Variants in ZNF385D observed in about 807,000 individuals in gnomAD.
ZNF385D encodes the protein zinc finger protein 385D.
Under a neutral mutation model 35.8 loss-of-function variants are expected in ZNF385D, and 15 were observed. The ratio of observed to expected loss-of-function variants is 0.42; its 90% CI spans 0.28 to 0.64. ZNF385D has a LOEUF of 0.64. ZNF385D is among the 30% of genes least tolerant of loss of function. ZNF385D has a pLI of 0.23. For synonymous variants in ZNF385D, 212 were observed against 186.8 expected (o/e 1.13, Z -1.10); for missense variants, 474 against 494.6 (o/e 0.96, Z 0.39).
At chr3:22,207,666 G>T (rs1028726376) in intron 2 of ZNF385D, among the ~76,000 whole-genome samples, 2 of 151,796 alleles carry the variant, frequency 1.3e-5, no homozygotes, top group African/African-American at 4.8e-5. Flanking sequence ...CAACAGAACA[G>T]GAGACAAAGG....
intron 3 of ZNF385D, among the ~76,000 whole-genome samples, chr3:21,863,491 T>C (rs546316205): frequency 2.0e-5 from 3 of 152,188 alleles, no homozygotes; most frequent in African/African-American, 7.2e-5. Flanking sequence ...CTATGAGAAA[T>C]AGAAATAGAA....
At chr3:21,783,321 C>G (rs532393301) in intron 3 of ZNF385D, among the ~76,000 whole-genome samples, 4 of 152,126 alleles carry the variant, frequency 2.6e-5, no homozygotes, top group East Asian at 1.9e-4. Flanking sequence ...CAAAATTGGG[C>G]TCTCCCAGGG....
At chr3:21,763,487 T>C (rs1033274166) in intron 3 of ZNF385D, among the ~76,000 whole-genome samples, 7 of 152,174 alleles carry the variant, frequency 4.6e-5, no homozygotes, top group African/African-American at 7.2e-5. Flanking sequence ...GAAACTTCCA[T>C]AGTATTGGTG....
chr3:22,356,770 T>C (rs984749171), intron 2 of ZNF385D, among the ~76,000 whole-genome samples: 4 of 151,306 alleles, frequency 2.6e-5, no homozygotes, highest in East Asian at 1.9e-4. Flanking sequence ...AGTGATTAGA[T>C]AGACAGATGA....
chr3:22,025,464 G>A lies in ZNF385D; in HGVS notation c.325+143353C>T, dbSNP rs560550304. ...CTCTAATCTATATAAACAGCAATCTGGAGAACAGGCATGGGAATGGATTTT... is the reference window on the plus strand; with the variant it reads ...CTCTAATCTATATAAACAGCAATCTAGAGAACAGGCATGGGAATGGATTTT... On this transcript the variant is annotated intron_variant, in intron 3 of 5. Transcript: ENST00000494108. Among the ~76,000 whole-genome samples the A allele has an allele frequency of 4.6e-5, 7 of 152,228 alleles. No homozygotes were observed. The South Asian group carries it at 1.0e-3, about 23-fold the overall frequency.
intron 2 of ZNF385D, among the ~76,000 whole-genome samples, chr3:22,218,458 T>A (rs778699714): frequency 2.0e-5 from 3 of 151,892 alleles, no homozygotes; most frequent in African/African-American, 7.3e-5. Context: ...TATAAATATA[T>A]GTATATATAT....
At chr3:21,511,564 G>A (rs1707204389) in intron 3 of ZNF385D, 1 of 396,402 alleles carries the variant, frequency 2.5e-6, no homozygotes, top group South Asian at 1.9e-5. Flanking sequence ...CACTTCTTAA[G>A]TTCAAATGGA....
intron 2 of ZNF385D, among the ~76,000 whole-genome samples, chr3:22,323,598 G>T (rs1246097775): frequency 1.3e-5 from 2 of 152,050 alleles, no homozygotes; most frequent in Non-Finnish European, 2.9e-5. Flanking sequence ...ATTTTCAATG[G>T]AAGTAGTACT....
At chr3:21,968,195 C>T (rs1399624720) in intron 3 of ZNF385D, among the ~76,000 whole-genome samples, 1 of 152,092 alleles carries the variant, frequency 6.6e-6, no homozygotes, top group African/African-American at 2.4e-5. Flanking sequence ...GCAGCCAATG[C>T]CACCACGGAG....
At chr3:22,037,509 T>A (rs1437636142) in intron 3 of ZNF385D, among the ~76,000 whole-genome samples, 3 of 152,152 alleles carry the variant, frequency 2.0e-5, no homozygotes, top group African/African-American at 4.8e-5. Flanking sequence ...ATAAATGTCT[T>A]CTTTTGAGAA....
intron 2 of ZNF385D, among the ~76,000 whole-genome samples, chr3:22,207,831 C>T (rs1403314449): frequency 6.6e-6 from 1 of 151,666 alleles, no homozygotes; most frequent in African/African-American, 2.4e-5. Context: ...GCAAACAGTG[C>T]CCCATATCAT....
Position 21,419,004 on chromosome 3 carries a change from A to T in ZNF385D, c.*2210T>A, listed in dbSNP as rs377259666. On this transcript the variant is annotated 3_prime_UTR_variant, in exon 8 of 8. Transcript: ENST00000281523. ...AACACTTGCTAAAACTAGAGAATAG[A>T]GATGCTGGTAAATGCAAAATCACCA... 8 of 152,166 alleles carry T rather than the reference A, an allele frequency of 5.3e-5. No homozygotes were observed. The highest frequency in any genetic ancestry group is 3.9e-4 in the East Asian group (2 of 5,180). The allele number at this position is 152,166 out of a possible 1,614,324, so 9.4% of individuals were successfully genotyped here. A position where few individuals can be genotyped will look rare whatever the true frequency, so the allele number is the denominator to read the frequency against.
At chr3:22,011,593 G>A (rs1281068888) in intron 3 of ZNF385D, among the ~76,000 whole-genome samples, 1 of 152,022 alleles carries the variant, frequency 6.6e-6, no homozygotes, top group Non-Finnish European at 1.5e-5. Flanking sequence ...TGGATTATCT[G>A]AAGAAAATTT....
chr3:22,144,771 A>G (rs941249840), intron 3 of ZNF385D, among the ~76,000 whole-genome samples: 2 of 152,086 alleles, frequency 1.3e-5, no homozygotes, highest in African/African-American at 4.8e-5. Context: ...CACAACAATT[A>G]TAAAATAAAA....
intron 1 of ZNF385D, among the ~76,000 whole-genome samples, chr3:21,736,781 A>G (rs912646289): frequency 6.6e-6 from 1 of 152,194 alleles, no homozygotes; most frequent in Non-Finnish European, 1.5e-5. Flanking sequence ...CTACAAATCC[A>G]TGCTCTAAGA....
chr3:22,134,055 G>C (rs928869169), intron 3 of ZNF385D: 3 of 151,944 alleles, frequency 2.0e-5, no homozygotes, highest in Non-Finnish European at 2.9e-5. Flanking sequence ...GAAAACAAAT[G>C]ATCAATTTAT....
rs1023623125 is a variant in ZNF385D, at chr3:21,807,449, C to T, written c.326-142421G>A. On this transcript the variant is annotated intron_variant, in intron 3 of 5. Transcript: ENST00000494108. ...TGGGTATTCTAGTTGTGATTTGACT[C>T]GCCAAGTTTAAAAGTAAAGAGAAAA... 3.9e-5 allele frequency among the ~76,000 whole-genome samples: 6 copies of T among 152,098 alleles called. No homozygotes were observed. The South Asian group carries it at 6.2e-4, about 16-fold the overall frequency.
chr3:22,338,660 A>T (rs958478370), intron 2 of ZNF385D, among the ~76,000 whole-genome samples: 1 of 152,044 alleles, frequency 6.6e-6, no homozygotes, highest in Non-Finnish European at 1.5e-5. Context: ...TTATAAATAA[A>T]AAAGTAAAGT....
intron 3 of ZNF385D, among the ~76,000 whole-genome samples, chr3:21,835,497 G>A (rs932280067): frequency 6.7e-6 from 1 of 148,252 alleles, no homozygotes; most frequent in South Asian, 2.2e-4. Flanking sequence ...GTGATTCACA[G>A]GGTGGATCAA....
Sources: gnomAD v4.1 joint callset for allele counts (sites outside exome capture counted in the v4.1 genomes callset) on GRCh38, gnomAD v4.1.1 for gene constraint, MANE v1.5 for transcripts, NCBI Gene and HGNC (gene_info 2026-07-23, HGNC 2026-07-21) for gene names.